RAB9B: variants seen among roughly 807,000 people sequenced by gnomAD.
RAB9B encodes the protein ras-related protein Rab-9B.
RAB9B carries 1 observed loss-of-function variant against 8.9 expected under a neutral mutation model. The observed-to-expected ratio is 0.11, with a 90% CI of 0.04 to 0.53. The LOEUF (loss-of-function observed/expected upper bound fraction) is 0.53. Among genes scored for constraint, RAB9B ranks in the 20% least tolerant of loss-of-function variants. The pLI, the probability that RAB9B is intolerant of heterozygous loss-of-function variation, is 0.93. For missense variants in RAB9B, 82 were observed against 152.9 expected (o/e 0.54, Z 2.45); for synonymous variants, 63 against 57.0 (o/e 1.10, Z -0.47).
At chrX:103,784,010 C>T in the RAB9B span, among the ~76,000 whole-genome samples, 2 of 112,203 alleles carry the variant, frequency 1.8e-5, no homozygotes, top group African/African-American at 6.5e-5. Flanking sequence ...ATTCTCATTT[C>T]TTCTACATTT....
the RAB9B span, among the ~76,000 whole-genome samples, chrX:103,784,376 G>A: frequency 8.9e-6 from 1 of 111,740 alleles, no homozygotes; most frequent in Non-Finnish European, 1.9e-5. Context: ...GTATAACTGA[G>A]GGTGGGGACA....
downstream of RAB9B, among the ~76,000 whole-genome samples, chrX:103,821,326 C>A: frequency 9.7e-6 from 1 of 103,209 alleles, no homozygotes; most frequent in Non-Finnish European, 2.0e-5. Context: ...AATTATAATC[C>A]TCAGAGATGG....
chrX:103,818,444 G>T (rs1427267931), downstream of RAB9B, among the ~76,000 whole-genome samples: 1 of 111,322 alleles, frequency 9.0e-6, no homozygotes, highest in Non-Finnish European at 1.9e-5. Flanking sequence ...CTTTGACCTA[G>T]AAATTTTACT....
chrX:103,819,858 T>A (rs764566986), downstream of RAB9B, among the ~76,000 whole-genome samples: 1 of 112,215 alleles, frequency 8.9e-6, no homozygotes, highest in Non-Finnish European at 1.9e-5. Context: ...CATTAACGTT[T>A]TATCAAAAGG....
chrX:103,825,137 G>A lies in RAB9B; in HGVS notation c.*42C>T. Reference sequence around the variant, plus strand: ...GGGGCACAGTTATTCTTACACTACTGACTGATCAATTTGGGGCACATTTTT... The same window carrying A: ...GGGGCACAGTTATTCTTACACTACTAACTGATCAATTTGGGGCACATTTTT... On this transcript the variant is annotated 3_prime_UTR_variant, in exon 3 of 3. Coordinates refer to ENST00000243298, the MANE Select transcript of RAB9B (RefSeq NM_016370.4). 1 of 1,176,387 alleles carries A rather than the reference G, an allele frequency of 8.5e-7. No homozygotes were observed. Among genetic ancestry groups the A allele is most frequent in the East Asian group, 3.0e-5 (1 of 33,634 alleles).
chrX:103,810,677 C>G, the RAB9B span, among the ~76,000 whole-genome samples: 1 of 111,983 alleles, frequency 8.9e-6, no homozygotes, highest in East Asian at 2.8e-4. Flanking sequence ...CACCTATCCT[C>G]CACAACATGA....
At chrX:103,817,595 ACTCT>A (rs1259315211), downstream of RAB9B, among the ~76,000 whole-genome samples, 12 of 109,184 alleles carry the variant, frequency 1.1e-4, no homozygotes, top group African/African-American at 3.7e-4. Flanking sequence ...ATATATATAT[ACTCT>A]CTCTATATAT....
chrX:103,788,604 TTTGCTGGATTTTGAA>T, the RAB9B span: 8 of 718,488 alleles, frequency 1.1e-5, no homozygotes, highest in Non-Finnish European at 1.8e-5. Context: ...AAAGTTTCCC[TTTGCTGGATTTTGAA>T]TTAGCCGATT....
the RAB9B span, among the ~76,000 whole-genome samples, chrX:103,808,763 T>C: frequency 9.0e-4 from 101 of 112,772 alleles, no homozygotes; most frequent in Non-Finnish European, 1.7e-3. Flanking sequence ...AGAGGGTCAG[T>C]AAGAAACAGG....
chrX:103,779,066 T>C, the RAB9B span, among the ~76,000 whole-genome samples: 5 of 112,369 alleles, frequency 4.4e-5, no homozygotes, highest in African/African-American at 6.5e-5. Context: ...TTCAGTAGTG[T>C]CTGCACAAAA....
intron 1 of RAB9B, among the ~76,000 whole-genome samples, chrX:103,827,923 T>C (rs1213259293): frequency 1.8e-5 from 2 of 112,153 alleles, no homozygotes; most frequent in Non-Finnish European, 3.8e-5. Flanking sequence ...CACCTCATGT[T>C]CCCAAAGTGC....
chrX:103,818,141 A>C (rs1026954510), downstream of RAB9B, among the ~76,000 whole-genome samples: 4 of 111,674 alleles, frequency 3.6e-5, no homozygotes, highest in African/African-American at 1.3e-4. Flanking sequence ...AGAAACAAAA[A>C]TGAATGTTCC....
chrX:103,814,949 C>T, the RAB9B span, among the ~76,000 whole-genome samples: 4 of 111,486 alleles, frequency 3.6e-5, no homozygotes, highest in South Asian at 1.5e-3. Flanking sequence ...AATTAATAGC[C>T]TACCAACCAA....
At chrX:103,819,882 C>T (rs2074653049), downstream of RAB9B, among the ~76,000 whole-genome samples, 1 of 112,352 alleles carries the variant, frequency 8.9e-6, no homozygotes, top group Non-Finnish European at 1.9e-5. Context: ...ATGCTATGCT[C>T]TGAATCTTTT....
chrX:103,817,121 A>G, the RAB9B span, among the ~76,000 whole-genome samples: 1 of 112,078 alleles, frequency 8.9e-6, no homozygotes, highest in African/African-American at 3.2e-5. Context: ...TTATAAAGAC[A>G]CATGTACACG....
At chrX:103,831,750 T>TCACC (rs1292531066) in intron 1 of RAB9B, among the ~76,000 whole-genome samples, 2 of 109,464 alleles carry the variant, frequency 1.8e-5, no homozygotes, top group Non-Finnish European at 3.8e-5. Flanking sequence ...TCCTCTCACC[T>TCACC]CACCCCCAGC....
chrX:103,826,351 C>G (rs1001059636), intron 2 of RAB9B, among the ~76,000 whole-genome samples: 1 of 111,803 alleles, frequency 8.9e-6, no homozygotes, highest in Non-Finnish European at 1.9e-5. Flanking sequence ...AACAAGGTTA[C>G]GTTTCTTCAG....
the RAB9B span, among the ~76,000 whole-genome samples, chrX:103,802,603 A>C: frequency 2.7e-5 from 3 of 112,134 alleles, no homozygotes; most frequent in South Asian, 3.7e-4. Flanking sequence ...TACATGTGAA[A>C]ATAAACTCAT....
At chrX:103,797,724 C>A in the RAB9B span, among the ~76,000 whole-genome samples, 1 of 111,099 alleles carries the variant, frequency 9.0e-6, no homozygotes, top group Non-Finnish European at 1.9e-5. Flanking sequence ...GGCAGATGGC[C>A]ACTTGGCTCT....
Sources: allele counts gnomAD v4.1 joint callset (sites outside exome capture counted in the v4.1 genomes callset), GRCh38; gene constraint gnomAD v4.1.1; transcripts MANE v1.5; gene names NCBI Gene and HGNC (gene_info 2026-07-23, HGNC 2026-07-21).